Variants in ZNF75D observed in about 807,000 individuals in gnomAD.
ZNF75D encodes zinc finger protein 75D.
In ZNF75D, 33 loss-of-function variants were observed where a neutral mutation model predicts 33.3. The observed-to-expected ratio is 0.99, with a 90% CI of 0.75 to 1.32. ZNF75D has a LOEUF of 1.32. Among genes scored for constraint, ZNF75D ranks in the 40% most tolerant of loss-of-function variants. ZNF75D has a pLI of 0.00. For missense variants in ZNF75D, 338 were observed against 367.5 expected, an observed-to-expected ratio of 0.92 and a Z score of 0.66; for synonymous variants, 113 against 130.6, an observed-to-expected ratio of 0.87 and a Z score of 0.92.
intron 1 of ZNF75D, among the ~76,000 whole-genome samples, chrX:135,322,916 TG>T (rs1556435404): frequency 8.9e-6 from 1 of 112,220 alleles, no homozygotes; most frequent in Non-Finnish European, 1.9e-5. Flanking sequence ...TTTGTTTAAA[TG>T]TAGTGGGATC....
At chrX:135,312,934 T>A (rs782003768) in intron 1 of ZNF75D, among the ~76,000 whole-genome samples, 2 of 112,070 alleles carry the variant, frequency 1.8e-5, no homozygotes, top group East Asian at 5.6e-4. Flanking sequence ...CACACATTTT[T>A]ACCCATTCAG....
At chrX:135,300,029 G>T (rs1431103705) in intron 1 of ZNF75D, among the ~76,000 whole-genome samples, 1 of 112,147 alleles carries the variant, frequency 8.9e-6, no homozygotes, top group Non-Finnish European at 1.9e-5. Flanking sequence ...TTTGTAGTAA[G>T]TTTTGAAATT....
chrX:135,328,889 T>C (rs1219030363), intron 1 of ZNF75D, among the ~76,000 whole-genome samples: 2 of 112,315 alleles, frequency 1.8e-5, no homozygotes, highest in African/African-American at 3.2e-5. Flanking sequence ...TTGGAAGAAA[T>C]AGGTGAGACA....
chrX:135,338,316 C>T (rs1556443330), intron 1 of ZNF75D, among the ~76,000 whole-genome samples: 1 of 111,505 alleles, frequency 9.0e-6, no homozygotes, highest in African/African-American at 3.3e-5. Context: ...AGCCTGAGGG[C>T]ACTGTATACC....
At chrX:135,294,591 A>G (rs1470459258) in intron 2 of ZNF75D, among the ~76,000 whole-genome samples, 2 of 111,207 alleles carry the variant, frequency 1.8e-5, no homozygotes, top group African/African-American at 3.3e-5. Context: ...AGATTATCCA[A>G]TACTTAATCT....
chrX:135,336,113 T>C lies in ZNF75D; in HGVS notation c.-391+5655A>G, dbSNP rs376538831. Among the ~76,000 whole-genome samples the C allele has an allele frequency of 4.5e-5, 5 of 111,879 alleles. No homozygotes were observed. The East Asian group carries it at 1.4e-3, about 32-fold the overall frequency. On this transcript the variant is annotated intron_variant, in intron 1 of 6. Coordinates refer to ENST00000370766, the MANE Select transcript of ZNF75D (RefSeq NM_007131.5). ...AAGAAGTGGAGCCTTTGAGAAGAGA[T>C]TAATTCATGAGGGCTGTACCCTCAG...
intron 1 of ZNF75D, among the ~76,000 whole-genome samples, chrX:135,332,170 C>T (rs1371133483): frequency 8.9e-6 from 1 of 111,880 alleles, no homozygotes; most frequent in Non-Finnish European, 1.9e-5. Flanking sequence ...AGGCCGATAA[C>T]AGCCAACCTC....
intron 1 of ZNF75D, among the ~76,000 whole-genome samples, chrX:135,280,214 A>AT (rs2083914943): frequency 8.9e-6 from 1 of 112,105 alleles, no homozygotes; most frequent in Non-Finnish European, 1.9e-5. Context: ...TTCTTGTTGC[A>AT]TTGATCCCTT....
intron 1 of ZNF75D, among the ~76,000 whole-genome samples, chrX:135,306,613 G>C (rs1218392077): frequency 8.9e-6 from 1 of 111,890 alleles, no homozygotes; most frequent in Non-Finnish European, 1.9e-5. Context: ...AATTATGATT[G>C]GGATTGCACT....
intron 1 of ZNF75D, among the ~76,000 whole-genome samples, chrX:135,329,143 T>C (rs1359669895): frequency 3.6e-5 from 4 of 112,653 alleles, no homozygotes; most frequent in African/African-American, 1.3e-4. Flanking sequence ...TAAATTCTTC[T>C]AGACCTTGTT....
chrX:135,257,977 A>G (rs782300752), intron 1 of ZNF75D, among the ~76,000 whole-genome samples: 20 of 106,008 alleles, frequency 1.9e-4, no homozygotes, highest in Non-Finnish European at 2.6e-4. Context: ...CCCACCACCC[A>G]ACAGGCCCTG....
chrX:135,308,163 G>A (rs145009826), intron 1 of ZNF75D, among the ~76,000 whole-genome samples: 1,358 of 112,200 alleles, frequency 0.012, 4 homozygotes, highest in Middle Eastern at 0.032. Context: ...GTCAGTATTT[G>A]AATCTTGCAG....
intron 1 of ZNF75D, among the ~76,000 whole-genome samples, chrX:135,336,546 T>C (rs1363979838): frequency 1.1e-4 from 12 of 112,128 alleles, no homozygotes; most frequent in Admixed American, 2.8e-4. Flanking sequence ...CCACAGCCAA[T>C]GCACTGCACT....
intron 1 of ZNF75D, among the ~76,000 whole-genome samples, chrX:135,260,656 T>C (rs1423863865): frequency 5.4e-5 from 6 of 112,024 alleles, no homozygotes; most frequent in African/African-American, 1.9e-4. Context: ...TTTATCATTA[T>C]ATTTTATTGT....
chrX:135,326,166 G>A (rs1362703721), intron 1 of ZNF75D, among the ~76,000 whole-genome samples: 1 of 110,826 alleles, frequency 9.0e-6, no homozygotes, highest in Non-Finnish European at 1.9e-5. Flanking sequence ...CTCAGGGTTT[G>A]TGAGTGCACG....
At chrX:135,300,746 CAAA>C (rs57422132) in intron 1 of ZNF75D, among the ~76,000 whole-genome samples, 16 of 85,346 alleles carry the variant, frequency 1.9e-4, no homozygotes, top group Admixed American at 2.6e-4. Flanking sequence ...GACTCCATCT[CAAA>C]AAAAAAAAAA....
intron 1 of ZNF75D, among the ~76,000 whole-genome samples, chrX:135,341,242 A>T (rs2084780078): frequency 9.0e-6 from 1 of 111,523 alleles, no homozygotes; most frequent in South Asian, 3.8e-4. Flanking sequence ...ACTCCACTCC[A>T]CTCCACTGCC....
At chrX:135,304,669 T>A in intron 1 of ZNF75D, among the ~76,000 whole-genome samples, 1 of 112,328 alleles carries the variant, frequency 8.9e-6, no homozygotes, top group East Asian at 2.8e-4. Context: ...ATCTCACAAC[T>A]CTCTGGGACA....
rs1168481722 is a variant in ZNF75D, at chrX:135,250,394, A to T, written n.1297-1093T>A. Among the ~76,000 whole-genome samples, 354 of 101,265 alleles carry T rather than the reference A, an allele frequency of 3.5e-3. 18 individuals carry two copies. Among genetic ancestry groups the T allele is most frequent in the Middle Eastern group, 9.8e-3 (2 of 205 alleles). 87.9% of individuals were successfully genotyped at this position (101,265 alleles called of 115,157 possible). The stretch of plus-strand genomic sequence containing the variant: ...TGACCTGGGTCGCTTTAAAAAAAAA[A>T]TTTTTTTAAACATGCTATGTATAGA... On this transcript the variant is annotated intron_variant and non_coding_transcript_variant, in intron 3 of 3. Coordinates refer to the ZNF75D transcript ENST00000494295.
Sources: gnomAD v4.1 joint callset for allele counts (sites outside exome capture counted in the v4.1 genomes callset) on GRCh38, gnomAD v4.1.1 for gene constraint, MANE v1.5 for transcripts, NCBI Gene and HGNC (gene_info 2026-07-23, HGNC 2026-07-21) for gene names.